TUB: variants seen among roughly 807,000 people sequenced by gnomAD.
TUB encodes the protein TUB bipartite transcription factor.
A neutral mutation model predicts 59.7 loss-of-function variants in TUB; 33 were observed. The observed-to-expected ratio is 0.55, with a 90% CI of 0.42 to 0.74. The LOEUF (loss-of-function observed/expected upper bound fraction) is 0.74. Ranked by LOEUF, TUB falls within the 30% of genes least tolerant of loss-of-function variation. TUB has a pLI of 0.00. For synonymous variants in TUB, 293 were observed against 256.4 expected, an observed-to-expected ratio of 1.14 and a Z score of -1.36; for missense variants, 659 against 672.0, an observed-to-expected ratio of 0.98 and a Z score of 0.21.
At position 8,102,512 on chromosome 11, in the gene TUB, C is replaced by T. The variant is rs367880973; in HGVS notation, c.*893C>T. 22 of 152,288 alleles carry T rather than the reference C, an allele frequency of 1.4e-4. No individual in the cohort carries two copies. Among genetic ancestry groups the T allele is most frequent in the African/African-American group, 5.3e-4 (22 of 41,428 alleles). The allele number at this position is 152,288 out of a possible 1,614,324, so 9.4% of individuals were successfully genotyped here. A position where few individuals can be genotyped will look rare whatever the true frequency, so the allele number is the denominator to read the frequency against. On this transcript the variant is annotated 3_prime_UTR_variant, in exon 12 of 12. Transcript: ENST00000299506. ...GAAACACAAATGGGGTCCAGGTCACCAGCCTGACTGCACACAGCTAGGCAT... is the reference window on the plus strand; with the variant it reads ...GAAACACAAATGGGGTCCAGGTCACTAGCCTGACTGCACACAGCTAGGCAT...
chr11:8,067,084 C>T (rs892749538), intron 2 of TUB, among the ~76,000 whole-genome samples: 14 of 152,224 alleles, frequency 9.2e-5, no homozygotes, highest in African/African-American at 3.1e-4. Flanking sequence ...ATTCCTCCAC[C>T]GTCTGGCCTC....
chr11:8,086,092 G>C (rs922136254), intron 1 of TUB, among the ~76,000 whole-genome samples: 1 of 152,200 alleles, frequency 6.6e-6, no homozygotes, highest in African/African-American at 2.4e-5. Flanking sequence ...GGAGGTGCCC[G>C]TGATGTAGGA....
In TUB at chr11:8,102,705, A is replaced by C. The variant is rs1450886128; in HGVS notation, c.*1086A>C. 1 of 152,138 alleles carries C rather than the reference A, an allele frequency of 6.6e-6. No individual in the cohort carries two copies. Among genetic ancestry groups the C allele is most frequent in the Non-Finnish European group, 1.5e-5 (1 of 68,038 alleles). 9.4% of individuals were successfully genotyped at this position (152,138 alleles called of 1,614,324 possible). ...GGGAGGGAATGGGACAGGGTGAATAAAGCAGGGAATATTTTAGAACCACAA... is the reference window on the plus strand; with the variant it reads ...GGGAGGGAATGGGACAGGGTGAATACAGCAGGGAATATTTTAGAACCACAA... On this transcript the variant is annotated 3_prime_UTR_variant, in exon 12 of 12. Transcript: ENST00000299506.
chr11:8,062,544 CAT>C (rs1943152172), intron 2 of TUB, among the ~76,000 whole-genome samples: 3 of 150,868 alleles, frequency 2.0e-5, no homozygotes, highest in South Asian at 2.1e-4. Context: ...TGTGTGTACA[CAT>C]GAGGGGTTGC....
chr11:8,084,773 C>G (rs1430480328), intron 1 of TUB, among the ~76,000 whole-genome samples: 1 of 152,224 alleles, frequency 6.6e-6, no homozygotes, highest in East Asian at 1.9e-4. Flanking sequence ...GGGTTCTAAG[C>G]ACACCTGAGG....
At chr11:8,041,850 T>C (rs1053675763) in intron 2 of TUB, among the ~76,000 whole-genome samples, 14 of 152,162 alleles carry the variant, frequency 9.2e-5, no homozygotes, top group South Asian at 2.1e-4. Context: ...GGGAATTCCT[T>C]CGTGAATTGA....
chr11:8,032,702 C>T (rs1441345793), intron 1 of TUB, among the ~76,000 whole-genome samples: 8 of 152,216 alleles, frequency 5.3e-5, no homozygotes, highest in Non-Finnish European at 8.8e-5. Flanking sequence ...ATCTGGCTCA[C>T]GCCAGGCTCT....
chr11:8,097,619 G>GACGCA, intron 7 of TUB, 95 bp from the exon 8 acceptor site: 3 of 1,321,654 alleles, frequency 2.3e-6, no homozygotes, highest in Non-Finnish European at 3.2e-6. Flanking sequence ...GCGTTTGGGA[G>GACGCA]CTGACGCAAC....
chr11:8,054,074 C>T (rs1393126156), intron 2 of TUB, among the ~76,000 whole-genome samples: 2 of 151,802 alleles, frequency 1.3e-5, no homozygotes, highest in African/African-American at 2.4e-5. Flanking sequence ...GAGATCTCAC[C>T]ACTGTACTCC....
At chr11:8,037,870 G>A (rs1388119690), upstream of TUB, among the ~76,000 whole-genome samples, 1 of 152,192 alleles carries the variant, frequency 6.6e-6, no homozygotes, top group South Asian at 2.1e-4. Flanking sequence ...TCAGTTGCAG[G>A]ATGGATTTGA....
upstream of TUB, among the ~76,000 whole-genome samples, chr11:8,037,620 G>A (rs1942666438): frequency 6.6e-6 from 1 of 152,158 alleles, no homozygotes; most frequent in African/African-American, 2.4e-5. Flanking sequence ...ATTTTTACAA[G>A]AGCATGGCTG....
At chr11:8,094,836 G>A (rs1943912675) in intron 4 of TUB, among the ~76,000 whole-genome samples, 1 of 152,226 alleles carries the variant, frequency 6.6e-6, no homozygotes, top group Admixed American at 6.5e-5. Flanking sequence ...GGACAGTGAT[G>A]TGTCACAGGC....
In TUB at chr11:8,102,226, G is replaced by T. The variant is rs190970766; in HGVS notation, c.*607G>T. ...ACAGGTAAGTGGCAGGACCCTGTCAGGATTGCAGGTGCCTGGCTTGCTGTG... is the reference window on the plus strand; with the variant it reads ...ACAGGTAAGTGGCAGGACCCTGTCATGATTGCAGGTGCCTGGCTTGCTGTG... On this transcript the variant is annotated 3_prime_UTR_variant, in exon 12 of 12. Transcript: ENST00000299506. 6.6e-6 allele frequency: 1 copy of T among 152,366 alleles called. No individual in the cohort carries two copies. 9.4% of individuals were successfully genotyped at this position (152,366 alleles called of 1,614,324 possible).
chr11:8,037,760 G>A (rs1462493459), upstream of TUB, among the ~76,000 whole-genome samples: 1 of 152,198 alleles, frequency 6.6e-6, no homozygotes, highest in Middle Eastern at 3.2e-3. Flanking sequence ...GGATCATCGG[G>A]CGGACTAAAG....
At chr11:8,087,063 C>T (rs1277464977) in intron 1 of TUB, among the ~76,000 whole-genome samples, 1 of 152,238 alleles carries the variant, frequency 6.6e-6, no homozygotes, top group African/African-American at 2.4e-5. Context: ...CATAACTGTG[C>T]ATAGTCCATG....
At chr11:8,050,069 A>G (rs948057437) in intron 2 of TUB, among the ~76,000 whole-genome samples, 2 of 152,214 alleles carry the variant, frequency 1.3e-5, no homozygotes, top group African/African-American at 4.8e-5. Flanking sequence ...TGACATTTAT[A>G]TAAGTGGGAT....
Position 8,097,404 on chromosome 11 carries a change from G to A in TUB, c.864G>A (p.Leu288=), listed in dbSNP as rs778848103. The A allele has an allele frequency of 8.7e-6, 14 of 1,614,082 alleles. No individual in the cohort carries two copies. Among genetic ancestry groups the A allele is most frequent in the Non-Finnish European group, 1.1e-5 (13 of 1,180,032 alleles). ...RGMYPTYFLH[L]DREDGKKVFL... is the part of the protein sequence containing the mutation. The stretch of plus-strand genomic sequence containing the variant: ...TGTACCCCACCTACTTTCTGCACCT[G>A]GACCGTGAGGATGGGAAGAAGGTAA... The change falls in exon 7 of 12, where the codon CTG becomes CTA. Residue 288 remains leucine, a synonymous_variant. Transcript: ENST00000299506.
intron 1 of TUB, chr11:8,039,600 G>T: frequency 7.0e-7 from 1 of 1,429,142 alleles, no homozygotes; most frequent in Non-Finnish European, 9.2e-7. Flanking sequence ...ATGATGAGGT[G>T]AGGCTGCAAG....
intron 1 of TUB, among the ~76,000 whole-genome samples, chr11:8,084,538 A>G (rs1159371382): frequency 6.6e-6 from 1 of 152,216 alleles, no homozygotes; most frequent in African/African-American, 2.4e-5. Context: ...TTGGAGGACT[A>G]TGCTGGGTGG....
Sources: gnomAD v4.1 joint callset for allele counts (sites outside exome capture counted in the v4.1 genomes callset) on GRCh38, gnomAD v4.1.1 for gene constraint, MANE v1.5 for transcripts, NCBI Gene and HGNC (gene_info 2026-07-23, HGNC 2026-07-21) for gene names.